Variants in PRELP observed in about 807,000 individuals in gnomAD.
The protein encoded by PRELP is prolargin.
A neutral mutation model predicts 22.8 loss-of-function variants in PRELP; 16 were observed. The observed-to-expected ratio is 0.70, with a 90% confidence interval of 0.47 to 1.06. PRELP has a LOEUF of 1.06. PRELP is among the 50% of genes least tolerant of loss of function. PRELP has a pLI of 0.00. For synonymous variants in PRELP, 233 were observed against 211.4 expected (o/e 1.10, Z -0.89); for missense variants, 434 against 485.2 (o/e 0.89, Z 0.99).
chr1:203,486,856 G>A lies in PRELP; in HGVS notation c.1124G>A (p.Arg375His), dbSNP rs1250380561. The change falls in exon 3 of 3, where the codon CGC becomes CAC. Residue 375 changes from arginine (R) to histidine (H), a missense_variant. Physicochemically the swap from Arg to His is conservative, Grantham distance 29. Coordinates refer to ENST00000343110, the MANE Select transcript of PRELP (RefSeq NM_002725.4). The stretch of plus-strand genomic sequence containing the variant: ...CCGCTGGACCTCATGATGTGCTTCC[G>A]CCTCCTGCAGTCCGTGGTCATCTAG... ...PIPLDLMMCF[R>H]LLQSVVI 1.2e-6 allele frequency: 2 copies of A among 1,613,792 alleles called. No homozygotes were observed. Among genetic ancestry groups the A allele is most frequent in the Admixed American group, 1.7e-5 (1 of 59,968 alleles).
At position 203,483,091 on chromosome 1, in the gene PRELP, C is replaced by T; in HGVS notation, c.-16-78C>T. 2 of 1,227,428 alleles carry T rather than the reference C, an allele frequency of 1.6e-6. No homozygotes were observed. Among genetic ancestry groups the T allele is most frequent in the Admixed American group, 2.3e-5 (1 of 43,170 alleles). The allele number at this position is 1,227,428 out of a possible 1,614,324, so 76.0% of individuals were successfully genotyped here. ...ATCTTCCCTAGAGCTCTAGTTCTGC[C>T]CAACTCTGGCTTCAAAAACATGACA... On this transcript the variant is annotated intron_variant, in intron 1 of 2. Transcript: ENST00000343110. The surrounding 1 kb of genome is among the most constrained non-coding windows in gnomAD (Gnocchi z 4.4).
chr1:203,483,281 GGGCGCAGACCCAGGCCCAGGCCCA>G lies in PRELP; in HGVS notation c.101_124del (p.Arg34_Arg41del), dbSNP rs780337843. Reference sequence around the variant, plus strand: ...ACGACCAAGACCCGGGACTGGGCCCGGGCGCAGACCCAGGCCCAGGCCCAGGCCCACACCCAGCTTTCCTCAGCC... The same window carrying G: ...ACGACCAAGACCCGGGACTGGGCCCGGGCCCACACCCAGCTTTCCTCAGCC... On this transcript the variant is annotated inframe_deletion, in exon 2 of 3. Coordinates refer to ENST00000343110, the MANE Select transcript of PRELP (RefSeq NM_002725.4). This position sits in a 1 kb window ranked among gnomAD's most constrained non-coding sequence, Gnocchi z 4.4. 8.7e-6 allele frequency: 14 copies of G among 1,613,014 alleles called. No individual in the cohort carries two copies. The highest frequency in any genetic ancestry group is 1.2e-5 in the Non-Finnish European group (14 of 1,179,640).
intron 1 of PRELP, among the ~76,000 whole-genome samples, chr1:203,482,526 C>T (rs1197404403): frequency 2.0e-5 from 3 of 150,408 alleles, no homozygotes; most frequent in Non-Finnish European, 4.4e-5. Context: ...GATCCACCCG[C>T]CTTGGCCTCC....
intron 1 of PRELP, among the ~76,000 whole-genome samples, chr1:203,481,759 G>T (rs1379073073): frequency 1.3e-5 from 2 of 152,138 alleles, no homozygotes; most frequent in Non-Finnish European, 2.9e-5. Flanking sequence ...GACCTGAAGA[G>T]GTGTGTGTGT....
chr1:203,485,297 T>C (rs1661074540), intron 2 of PRELP, among the ~76,000 whole-genome samples: 1 of 152,128 alleles, frequency 6.6e-6, no homozygotes. Flanking sequence ...GATTAATAAA[T>C]GGCTGATAGG....
chr1:203,485,119 A>G (rs1464057952), intron 2 of PRELP, among the ~76,000 whole-genome samples: 1 of 151,690 alleles, frequency 6.6e-6, no homozygotes, highest in African/African-American at 2.4e-5. Flanking sequence ...TCGTTCACTC[A>G]TTTGGGATAA....
In PRELP at chr1:203,483,262, A is replaced by AAGACCCGGGACTGGGCCCGGGCGC. The variant is rs764766335; in HGVS notation, c.85_108dup (p.Gly29_Pro36dup). The AAGACCCGGGACTGGGCCCGGGCGC allele has an allele frequency of 3.7e-6, 6 of 1,603,786 alleles. No individual in the cohort carries two copies. In the Admixed American group the frequency reaches 1.1e-4, roughly 28 times the overall value. On this transcript the variant is annotated inframe_insertion, in exon 2 of 3. Coordinates refer to ENST00000343110, the MANE Select transcript of PRELP (RefSeq NM_002725.4). The surrounding 1 kb of genome is among the most constrained non-coding windows in gnomAD (Gnocchi z 4.4). ...CCCAAGGCCAGCCAACAAGACGACC[A>AAGACCCGGGACTGGGCCCGGGCGC]AGACCCGGGACTGGGCCCGGGCGCA...
Position 203,483,438 on chromosome 1 carries a change from C to A in PRELP, c.254C>A (p.Ser85Tyr), listed in dbSNP as rs1360301513. 6.2e-7 allele frequency: 1 copy of A among 1,614,202 alleles called. No individual in the cohort carries two copies. The highest frequency in any genetic ancestry group is 1.7e-5 in the Admixed American group (1 of 60,026). The part of the protein sequence containing the change: ...RECYCPPDFP[S>Y]ALYCDSRNLR... ...TGCTACTGCCCCCCTGATTTCCCAT[C>A]TGCCCTCTACTGTGATAGCCGCAAC... The change falls in exon 2 of 3, where the codon TCT becomes TAT. Residue 85 changes from serine to tyrosine, a missense_variant. Coordinates refer to ENST00000343110, the MANE Select transcript of PRELP (RefSeq NM_002725.4). This position sits in a 1 kb window ranked among gnomAD's most constrained non-coding sequence, Gnocchi z 4.4.
intron 2 of PRELP, among the ~76,000 whole-genome samples, chr1:203,486,330 C>A (rs1202748225): frequency 2.0e-5 from 3 of 152,054 alleles, no homozygotes; most frequent in Non-Finnish European, 4.4e-5. Context: ...ATTACTATTC[C>A]CAGATTCGCC....
intron 1 of PRELP, among the ~76,000 whole-genome samples, chr1:203,476,599 C>A (rs144334360): frequency 1.1e-4 from 17 of 152,224 alleles, no homozygotes; most frequent in African/African-American, 3.6e-4. Flanking sequence ...CAAGTCCAGG[C>A]CGAATAGGGA....
At chr1:203,479,994 A>G (rs1237024545) in intron 1 of PRELP, among the ~76,000 whole-genome samples, 3 of 152,244 alleles carry the variant, frequency 2.0e-5, no homozygotes, top group East Asian at 3.9e-4. Flanking sequence ...AATCTCAGCA[A>G]TTTGAAAGGC....
chr1:203,486,993 C>G lies in PRELP; in HGVS notation c.*112C>G. On this transcript the variant is annotated 3_prime_UTR_variant, in exon 3 of 3. Coordinates refer to ENST00000343110, the MANE Select transcript of PRELP (RefSeq NM_002725.4). ...CCTTTCTTTCTCCCAGCTTTGCCTC[C>G]CTTATCCCACCCTCGAGGCAGGGAA... The G allele has an allele frequency of 8.2e-7, 1 of 1,213,196 alleles. No individual in the cohort carries two copies. The highest frequency in any genetic ancestry group is 1.1e-6 in the Non-Finnish European group (1 of 892,026). 75.2% of individuals were successfully genotyped at this position (1,213,196 alleles called of 1,614,324 possible).
rs765389712 is a variant in PRELP, at chr1:203,483,583, G to A, written c.399G>A (p.Leu133=). The change falls in exon 2 of 3, where the codon CTG becomes CTA. Residue 133 remains leucine (L), a synonymous_variant. Transcript: ENST00000343110. The surrounding 1 kb of genome is among the most constrained non-coding windows in gnomAD (Gnocchi z 4.4). ...CCACAGGCCTGCGATGGATTAACCT[G>A]GACAACAACCGAATCCGCAAGATAG... ...QNATGLRWIN[L]DNNRIRKIDQ... is the part of the protein sequence containing the mutation. The A allele has an allele frequency of 6.2e-7, 1 of 1,614,240 alleles. No individual in the cohort carries two copies.
chr1:203,487,520 A>G lies in PRELP; in HGVS notation c.*639A>G. 1 of 153,044 alleles carries G rather than the reference A, an allele frequency of 6.5e-6. No homozygotes were observed. The highest frequency in any genetic ancestry group is 1.5e-5 in the Non-Finnish European group (1 of 68,232). 9.5% of individuals were successfully genotyped at this position (153,044 alleles called of 1,614,324 possible). On this transcript the variant is annotated 3_prime_UTR_variant, in exon 3 of 3. Transcript: ENST00000343110. Reference sequence around the variant, plus strand: ...TGCATCTGGCCAGCAGGACACAGGGATGCGCAGGGCGCCCCCTTCTGTTCC... The same window carrying G: ...TGCATCTGGCCAGCAGGACACAGGGGTGCGCAGGGCGCCCCCTTCTGTTCC...
Position 203,489,617 on chromosome 1 carries a change from C to T in PRELP, c.*2736C>T, listed in dbSNP as rs1271441152. 1.3e-5 allele frequency: 2 copies of T among 152,218 alleles called. No individual in the cohort carries two copies. The highest frequency in any genetic ancestry group is 2.9e-5 in the Non-Finnish European group (2 of 68,048). 9.4% of individuals were successfully genotyped at this position (152,218 alleles called of 1,614,324 possible). ...GGAAATAAAGTAATATGAAAAACAC[C>T]CTGCGTGAACTCAACGGTGTGAACA... On this transcript the variant is annotated 3_prime_UTR_variant, in exon 3 of 3. Transcript: ENST00000343110.
intron 1 of PRELP, among the ~76,000 whole-genome samples, chr1:203,477,003 C>G (rs1334848956): frequency 1.3e-5 from 2 of 151,132 alleles, no homozygotes; most frequent in African/African-American, 4.9e-5. Context: ...AGGGCGGCCC[C>G]TCTCCTGCTC....
chr1:203,478,347 C>T (rs1397081900), intron 1 of PRELP, among the ~76,000 whole-genome samples: 3 of 152,068 alleles, frequency 2.0e-5, no homozygotes, highest in East Asian at 3.9e-4. Context: ...TGGTAGGTGG[C>T]GGGCTGTCAG....
intron 1 of PRELP, among the ~76,000 whole-genome samples, chr1:203,478,701 T>C (rs1337699959): frequency 2.0e-5 from 3 of 152,030 alleles, no homozygotes; most frequent in Admixed American, 2.0e-4. Context: ...GAATCTTCTC[T>C]CCTAACTAGT....
intron 1 of PRELP, among the ~76,000 whole-genome samples, chr1:203,481,136 A>C (rs192610849): frequency 6.6e-6 from 1 of 152,298 alleles, no homozygotes; most frequent in Admixed American, 6.5e-5. Flanking sequence ...AGGGATATAG[A>C]AAAACTCCCG....
Sources: allele counts gnomAD v4.1 joint callset (sites outside exome capture counted in the v4.1 genomes callset), GRCh38; gene constraint gnomAD v4.1.1; non-coding constraint Gnocchi (gnomAD v3.1); transcripts MANE v1.5; gene names NCBI Gene and HGNC (gene_info 2026-07-23, HGNC 2026-07-21).